The following HIPK1 variants were observed in gnomAD, a reference collection of about 807,000 sequenced individuals.
HIPK1 encodes homeodomain interacting protein kinase 1, also known as homeodomain-interacting protein kinase 1.
In HIPK1, 28 loss-of-function variants were observed where a neutral mutation model predicts 117.1. The ratio of observed to expected loss-of-function variants is 0.24; its 90% confidence interval spans 0.18 to 0.33. The LOEUF (loss-of-function observed/expected upper bound fraction) is 0.33. HIPK1 is among the 10% of genes least tolerant of loss of function. The pLI is 1.00. For synonymous variants in HIPK1, 605 were observed against 562.5 expected (o/e 1.08, Z -1.07); for missense variants, 1,122 against 1,475.1 (o/e 0.76, Z 3.92).
intron 14 of HIPK1, among the ~76,000 whole-genome samples, chr1:113,971,516 TAA>T (rs1304146641): frequency 6.6e-6 from 1 of 152,226 alleles, no homozygotes; most frequent in Non-Finnish European, 1.5e-5. Context: ...CATAAAACTA[TAA>T]ACTCTTGGAG....
chr1:113,959,454 TC>T (rs1314865417), intron 8 of HIPK1, among the ~76,000 whole-genome samples: 1 of 152,188 alleles, frequency 6.6e-6, no homozygotes, highest in Non-Finnish European at 1.5e-5. Context: ...AATAGTAAAT[TC>T]TGTAGTTGGG....
chr1:113,977,855 A>T lies in HIPK1; in HGVS notation c.*4343A>T, dbSNP rs1466226091. 1 of 152,702 alleles carries T rather than the reference A, an allele frequency of 6.5e-6. No homozygotes were observed. The highest frequency in any genetic ancestry group is 1.5e-5 in the Non-Finnish European group (1 of 68,046). 9.5% of individuals were successfully genotyped at this position (152,702 alleles called of 1,614,324 possible). ...AGGATATAAAGGGGATCAATAAATG[A>T]CATCTTTGAAAGTGGCTAAGCATAT... On this transcript the variant is annotated 3_prime_UTR_variant, in exon 16 of 16. Transcript: ENST00000426820.
At chr1:113,942,270 G>C (rs1191566524) in intron 2 of HIPK1, among the ~76,000 whole-genome samples, 1 of 150,800 alleles carries the variant, frequency 6.6e-6, no homozygotes, top group African/African-American at 2.4e-5. Context: ...CATGTTGACC[G>C]GGCTGGTTTT....
intron 1 of HIPK1, chr1:113,930,520 A>G (rs533247324): frequency 6.6e-6 from 1 of 152,282 alleles, no homozygotes; most frequent in African/African-American, 2.4e-5. Flanking sequence ...TACAAGGGAG[A>G]TCTAGAGGTC....
rs767237414 is a variant in HIPK1 at position 113,958,019 on chromosome 1, T to C, written c.1756-47T>C. 1.1e-5 allele frequency: 14 copies of C among 1,295,140 alleles called. No homozygotes were observed. The South Asian group carries it at 1.7e-4, about 15-fold the overall frequency. The allele number at this position is 1,295,140 out of a possible 1,614,324, so 80.2% of individuals were successfully genotyped here. ...ATTCTGTATATATAAAATTATTGTG[T>C]GTCTCTACTTAATACAAGTGTACAA... On this transcript the variant is annotated intron_variant, in intron 7 of 15. Coordinates refer to ENST00000426820, the MANE Select transcript of HIPK1 (RefSeq NM_198268.3).
In HIPK1 at chr1:113,958,429, A is replaced by G. The variant is rs75790377; in HGVS notation, c.1981+138A>G. 1,526 of 618,944 alleles carry G rather than the reference A, an allele frequency of 2.5e-3. 17 individuals are homozygous for G. The African/African-American group carries it at 0.026, about 11-fold the overall frequency. 38.3% of individuals were successfully genotyped at this position (618,944 alleles called of 1,614,324 possible). ...AAGGTAACTAAAATTGGGTAATATC[A>G]CAAAATGGATTTTCTCTTTTTACAT... On this transcript the variant is annotated intron_variant, in intron 8 of 15. Transcript: ENST00000426820.
chr1:113,963,307 T>C (rs532778040), intron 9 of HIPK1, 80 bp from the exon 10 acceptor site: 1 of 1,486,696 alleles, frequency 6.7e-7, no homozygotes, highest in East Asian at 2.3e-5. Context: ...AGTAATAACT[T>C]GGGGGGAATG....
intron 11 of HIPK1, among the ~76,000 whole-genome samples, chr1:113,966,836 C>T (rs374455265): frequency 1.4e-5 from 2 of 139,276 alleles, no homozygotes; most frequent in Non-Finnish European, 3.2e-5. Context: ...AGTTCTTATT[C>T]TTTTTTTTTT....
intron 7 of HIPK1, 72 bp downstream of exon 7, chr1:113,957,358 A>G: frequency 2.4e-6 from 3 of 1,263,808 alleles, no homozygotes; most frequent in Non-Finnish European, 3.3e-6. Context: ...GGGCAAGGTA[A>G]AGAACCAATT....
At chr1:113,954,799 C>T (rs1671605114) in intron 4 of HIPK1, 29 bp downstream of exon 4, 3 of 1,590,258 alleles carry the variant, frequency 1.9e-6, no homozygotes, top group African/African-American at 1.3e-5. Flanking sequence ...GCTTCCGACT[C>T]CTGTACTCCA....
Position 113,929,518 on chromosome 1 carries a change from T to G in HIPK1, c.-17T>G. The G allele has an allele frequency of 7.8e-7, 1 of 1,289,012 alleles. No individual in the cohort carries two copies. Among genetic ancestry groups the G allele is most frequent in the Admixed American group, 2.3e-5 (1 of 43,558 alleles). The allele number at this position is 1,289,012 out of a possible 1,614,324, so 79.8% of individuals were successfully genotyped here. A position where few individuals can be genotyped will look rare whatever the true frequency, so the allele number is the denominator to read the frequency against. On this transcript the variant is annotated 5_prime_UTR_variant, in exon 1 of 16. Transcript: ENST00000426820. ...GATCGTCCTAGAGAGTCCATTCAGC[T>G]GCACTTCCGCCTCAGTAGGTGTCAT...
chr1:113,932,262 C>A (rs1007438060), intron 1 of HIPK1: 12 of 151,772 alleles, frequency 7.9e-5, no homozygotes, highest in African/African-American at 2.9e-4. Flanking sequence ...TTTAAGGGTA[C>A]CTGGTACAGT....
intron 10 of HIPK1, among the ~76,000 whole-genome samples, chr1:113,965,740 A>G (rs193135172): frequency 7.9e-5 from 12 of 152,318 alleles, no homozygotes; most frequent in Non-Finnish European, 1.5e-4. Context: ...AAAAATTTTA[A>G]TCTCCAGGGA....
At chr1:113,935,009 G>A (rs996826476) in intron 1 of HIPK1, among the ~76,000 whole-genome samples, 20 of 130,528 alleles carry the variant, frequency 1.5e-4, no homozygotes, top group African/African-American at 2.2e-4. Context: ...AAAAAAAAAA[G>A]AATCAGCTGT....
Position 113,974,884 on chromosome 1 carries a change from TGTGATCCTCCA to T in HIPK1, c.*1376_*1386del, listed in dbSNP as rs1294070289. The stretch of plus-strand genomic sequence containing the variant: ...ACTTGAATTGTGTACTTAGTGTGTA[TGTGATCCTCCA>T]GTGTTATCCCGGAGATGGATTGATG... On this transcript the variant is annotated 3_prime_UTR_variant, in exon 16 of 16. Coordinates refer to ENST00000426820, the MANE Select transcript of HIPK1 (RefSeq NM_198268.3). 1 of 152,804 alleles carries T rather than the reference TGTGATCCTCCA, an allele frequency of 6.5e-6. No individual in the cohort carries two copies. Among genetic ancestry groups the T allele is most frequent in the Non-Finnish European group, 1.5e-5 (1 of 68,042 alleles). 9.5% of individuals were successfully genotyped at this position (152,804 alleles called of 1,614,324 possible).
At chr1:113,957,969 C>T (rs1671835563) in intron 7 of HIPK1, 97 bp from the exon 8 acceptor site, 6 of 888,730 alleles carry the variant, frequency 6.8e-6, no homozygotes, top group Admixed American at 2.3e-5. Flanking sequence ...CATTTTAAAA[C>T]ATTATTCTAC....
intron 1 of HIPK1, among the ~76,000 whole-genome samples, chr1:113,931,241 C>T (rs1669877994): frequency 6.7e-6 from 1 of 149,544 alleles, no homozygotes; most frequent in Admixed American, 6.7e-5. Context: ...AAGCCTAAAG[C>T]TTTCTATAAA....
At chr1:113,949,135 G>A (rs1280620014) in intron 2 of HIPK1, among the ~76,000 whole-genome samples, 2 of 152,318 alleles carry the variant, frequency 1.3e-5, no homozygotes, top group East Asian at 3.9e-4. Context: ...ACCGCGCCTG[G>A]CCTGTTATCG....
intron 7 of HIPK1, among the ~76,000 whole-genome samples, chr1:113,957,529 G>A (rs1184086911): frequency 6.6e-6 from 1 of 152,024 alleles, no homozygotes; most frequent in Non-Finnish European, 1.5e-5. Context: ...AAATAAATGG[G>A]GTCTGACTAT....
Sources: gnomAD v4.1 joint callset for allele counts (sites outside exome capture counted in the v4.1 genomes callset) on GRCh38, gnomAD v4.1.1 for gene constraint, MANE v1.5 for transcripts, NCBI Gene and HGNC (gene_info 2026-07-23, HGNC 2026-07-21) for gene names.